DPYS: variants seen among roughly 807,000 people sequenced by gnomAD.
DPYS encodes the protein dihydropyrimidinase, also known as dihydropyrimidine amidohydrolase.
Under a neutral mutation model 50.3 loss-of-function variants are expected in DPYS, and 39 were observed. The ratio of observed to expected loss-of-function variants is 0.78; its 90% CI spans 0.60 to 1.01. The LOEUF (loss-of-function observed/expected upper bound fraction) is 1.01. Among genes scored for constraint, DPYS ranks in the 50% least tolerant of loss-of-function variants. DPYS has a pLI of 0.00. For missense variants in DPYS, 659 were observed against 680.9 expected, an observed-to-expected ratio of 0.97 and a Z score of 0.36; for synonymous variants, 245 against 250.7, an observed-to-expected ratio of 0.98 and a Z score of 0.22.
At chr8:104,429,463 G>A in intron 5 of DPYS, 82 bp downstream of exon 5, 1 of 1,585,650 alleles carries the variant, frequency 6.3e-7, no homozygotes, top group Non-Finnish European at 8.6e-7. Context: ...GGTTAGTGGA[G>A]GATCCAGATG....
chr8:104,455,275 A>T (rs2140750816), intron 1 of DPYS, among the ~76,000 whole-genome samples: 1 of 152,338 alleles, frequency 6.6e-6, no homozygotes, highest in Non-Finnish European at 1.5e-5. Flanking sequence ...GAACTGCATG[A>T]AGAGACGCTC....
At chr8:104,452,280 T>C (rs1011029458) in intron 1 of DPYS, among the ~76,000 whole-genome samples, 13 of 152,224 alleles carry the variant, frequency 8.5e-5, no homozygotes, top group Non-Finnish European at 5.9e-5. Context: ...TAAACTAAAA[T>C]CACAAGATGG....
chr8:104,440,646 C>T (rs1170366469), intron 4 of DPYS, among the ~76,000 whole-genome samples: 1 of 152,054 alleles, frequency 6.6e-6, no homozygotes, highest in African/African-American at 2.4e-5. Context: ...GTAATCCCAG[C>T]TACTCGAGAG....
At chr8:104,441,102 T>G (rs2669436) in intron 4 of DPYS, among the ~76,000 whole-genome samples, 1 of 151,876 alleles carries the variant, frequency 6.6e-6, no homozygotes, top group Non-Finnish European at 1.5e-5. Flanking sequence ...ATGCATGGGG[T>G]AGGAAATCTT....
chr8:104,403,945 A>G (rs74382479), intron 7 of DPYS, among the ~76,000 whole-genome samples: 9,656 of 152,246 alleles, frequency 0.063, 365 homozygotes, highest in African/African-American at 0.093. Flanking sequence ...GAAGGTAACA[A>G]GGCAAACAGA....
intron 8 of DPYS, among the ~76,000 whole-genome samples, chr8:104,389,210 G>A (rs1183081433): frequency 6.6e-6 from 1 of 152,190 alleles, no homozygotes. Flanking sequence ...GATAAGCAAA[G>A]AAATAGCATT....
chr8:104,384,078 G>A (rs1811138438), intron 8 of DPYS, among the ~76,000 whole-genome samples: 1 of 152,140 alleles, frequency 6.6e-6, no homozygotes, highest in South Asian at 2.1e-4. Flanking sequence ...GAGGCTCTGG[G>A]TGGGCCAGGT....
At chr8:104,403,992 C>G (rs1463622512) in intron 7 of DPYS, among the ~76,000 whole-genome samples, 1 of 152,154 alleles carries the variant, frequency 6.6e-6, no homozygotes, top group East Asian at 1.9e-4. Flanking sequence ...CAAGTCACAG[C>G]TGAAGGGGCA....
intron 8 of DPYS, among the ~76,000 whole-genome samples, chr8:104,385,776 G>T (rs1811193658): frequency 6.6e-6 from 1 of 152,120 alleles, no homozygotes; most frequent in Non-Finnish European, 1.5e-5. Context: ...TGGCCCCTTT[G>T]GCTCTCTCCC....
intron 9 of DPYS, 80 bp downstream of exon 9, chr8:104,381,104 T>C (rs1811015017): frequency 1.7e-6 from 2 of 1,209,152 alleles, no homozygotes; most frequent in African/African-American, 3.0e-5. Context: ...CTGACCTTGA[T>C]CTCTTCAACC....
At chr8:104,399,862 G>C (rs1254632635) in intron 7 of DPYS, among the ~76,000 whole-genome samples, 3 of 37,568 alleles carry the variant, frequency 8.0e-5, no homozygotes, top group African/African-American at 2.3e-4. Flanking sequence ...GCAAGACTCC[G>C]TCTCAAAAAA....
At chr8:104,409,668 A>AC (rs1240821135) in intron 7 of DPYS, among the ~76,000 whole-genome samples, 2 of 152,080 alleles carry the variant, frequency 1.3e-5, no homozygotes, top group Non-Finnish European at 2.9e-5. Flanking sequence ...TCTCCCTACT[A>AC]CTGTATAACT....
chr8:104,424,116 T>C lies in DPYS; in HGVS notation c.1235+131A>G, dbSNP rs1048789352. 3 of 1,572,192 alleles carry C rather than the reference T, an allele frequency of 1.9e-6. No individual in the cohort carries two copies. The African/African-American group carries it at 4.1e-5, about 21-fold the overall frequency. Reference sequence around the variant, plus strand: ...CAAAACCTTTATCTTGTGTACAGGATCAAAATACCTGAGCACAGCTAAAGA... The same window carrying C: ...CAAAACCTTTATCTTGTGTACAGGACCAAAATACCTGAGCACAGCTAAAGA... On this transcript the variant is annotated intron_variant, in intron 7 of 9. Coordinates refer to ENST00000351513, the MANE Select transcript of DPYS (RefSeq NM_001385.3).
chr8:104,420,995 A>T (rs1303804760), intron 7 of DPYS: 1 of 152,200 alleles, frequency 6.6e-6, no homozygotes, highest in African/African-American at 2.4e-5. Context: ...AAACTTTATG[A>T]GGTAGGCATA....
intron 1 of DPYS, among the ~76,000 whole-genome samples, chr8:104,461,147 G>T (rs1192808953): frequency 1.3e-5 from 2 of 149,730 alleles, no homozygotes. Flanking sequence ...ACAAAAATTA[G>T]CTGGGCATGG....
chr8:104,434,450 C>T (rs1408179864), intron 4 of DPYS, among the ~76,000 whole-genome samples: 2 of 152,146 alleles, frequency 1.3e-5, no homozygotes, highest in Admixed American at 1.3e-4. Flanking sequence ...TTCGGGTTAA[C>T]TTTGGAATGC....
chr8:104,454,025 G>T (rs921131662), intron 1 of DPYS, among the ~76,000 whole-genome samples: 6 of 152,214 alleles, frequency 3.9e-5, no homozygotes, highest in African/African-American at 1.4e-4. Context: ...GTGGTTGTCT[G>T]GGGCTGGGTG....
intron 6 of DPYS, among the ~76,000 whole-genome samples, chr8:104,427,433 C>T (rs2140636462): frequency 6.6e-6 from 1 of 151,646 alleles, no homozygotes; most frequent in African/African-American, 2.4e-5. Context: ...CACGTGCCAC[C>T]ATGCCCGGCT....
Position 104,428,136 on chromosome 8 carries a change from A to C in DPYS, c.951-15T>G, listed in dbSNP as rs371584936. On this transcript the variant is annotated splice_polypyrimidine_tract_variant and intron_variant, in intron 5 of 9. Transcript: ENST00000351513. ...TTAGATCATCACTGTAAAAGAAAAA[A>C]CACGAGAGTGATGGGGTGAGTATAC... 4 of 1,614,182 alleles carry C rather than the reference A, an allele frequency of 2.5e-6. No homozygotes were observed. In the South Asian group the frequency reaches 3.3e-5, roughly 13 times the overall value.
Sources: gnomAD v4.1 joint callset for allele counts (sites outside exome capture counted in the v4.1 genomes callset) on GRCh38, gnomAD v4.1.1 for gene constraint, MANE v1.5 for transcripts, NCBI Gene and HGNC (gene_info 2026-07-23, HGNC 2026-07-21) for gene names.